COBLL1: variants seen among roughly 807,000 people sequenced by gnomAD.
COBLL1 encodes cordon-bleu protein-like 1.
COBLL1 carries 50 observed loss-of-function variants against 94.8 expected under a neutral mutation model. That is an observed-to-expected ratio of 0.53 (90% CI 0.42 to 0.67). The LOEUF (loss-of-function observed/expected upper bound fraction) is 0.67. Among genes scored for constraint, COBLL1 ranks in the 30% least tolerant of loss-of-function variants. COBLL1 has a pLI of 0.00. For synonymous variants in COBLL1, 448 were observed against 473.8 expected (o/e 0.95, Z 0.71); for missense variants, 1,362 against 1,348.7 (o/e 1.01, Z -0.15).
intron 2 of COBLL1, among the ~76,000 whole-genome samples, chr2:164,745,999 A>G (rs1184195739): frequency 6.6e-6 from 1 of 152,194 alleles, no homozygotes; most frequent in African/African-American, 2.4e-5. Context: ...AGAAAGTACA[A>G]TGAAAGAAAA....
At chr2:164,706,452 T>C (rs1684607445) in intron 7 of COBLL1, among the ~76,000 whole-genome samples, 2 of 152,314 alleles carry the variant, frequency 1.3e-5, no homozygotes, top group South Asian at 2.1e-4. Context: ...ATTCTCTTTA[T>C]GTATTATTTG....
rs545563487 is a variant in COBLL1 at position 164,766,705 on chromosome 2, G to A, written c.42-22830C>T. Among the ~76,000 whole-genome samples, 791 of 152,204 alleles carry A rather than the reference G, an allele frequency of 5.2e-3. 11 individuals are homozygous for A. The highest frequency in any genetic ancestry group is 0.018 in the African/African-American group (730 of 41,516). Reference sequence around the variant, plus strand: ...AACTAATACAGTATGTCATTCTTAAGACTTCACAGCATAGATATATAGCAT... The same window carrying A: ...AACTAATACAGTATGTCATTCTTAAAACTTCACAGCATAGATATATAGCAT... On this transcript the variant is annotated intron_variant, in intron 2 of 13. Coordinates refer to ENST00000652658, the MANE Select transcript of COBLL1 (RefSeq NM_001365672.2).
At chr2:164,813,092 A>T (rs1318111876) in intron 2 of COBLL1, among the ~76,000 whole-genome samples, 1 of 152,110 alleles carries the variant, frequency 6.6e-6, no homozygotes, top group Non-Finnish European at 1.5e-5. Context: ...TAGATTTTAG[A>T]AAGTGGCACA....
At chr2:164,739,111 C>T (rs971665665) in intron 3 of COBLL1, among the ~76,000 whole-genome samples, 1 of 152,084 alleles carries the variant, frequency 6.6e-6, no homozygotes, top group Non-Finnish European at 1.5e-5. Context: ...AGCAGAGCCT[C>T]ACAAAGGCAA....
intron 13 of COBLL1, among the ~76,000 whole-genome samples, chr2:164,688,411 A>C (rs1683418818): frequency 6.6e-6 from 1 of 152,120 alleles, no homozygotes; most frequent in African/African-American, 2.4e-5. Flanking sequence ...TCTTAAATGG[A>C]ATATGGTAAC....
In COBLL1 at chr2:164,740,814, G is replaced by T. The variant is rs902997510; in HGVS notation, c.230+2873C>A. On this transcript the variant is annotated intron_variant, in intron 3 of 13. Transcript: ENST00000652658. ...AATCACTGATTCTGGGGAGATCAGG[G>T]AGCCTTTATATAAAATATGTCACCT... 2.0e-5 allele frequency among the ~76,000 whole-genome samples: 3 copies of T among 152,130 alleles called. 1 individual carries two copies. The South Asian group carries it at 6.2e-4, about 32-fold the overall frequency.
chr2:164,730,804 T>A (rs1574485887), intron 3 of COBLL1, among the ~76,000 whole-genome samples: 1 of 152,200 alleles, frequency 6.6e-6, no homozygotes, highest in Non-Finnish European at 1.5e-5. Flanking sequence ...CTCATAAGAA[T>A]GAAGCATTTG....
chr2:164,748,273 A>G (rs1029592056), intron 2 of COBLL1, among the ~76,000 whole-genome samples: 3 of 152,206 alleles, frequency 2.0e-5, no homozygotes, highest in African/African-American at 7.2e-5. Flanking sequence ...AGTAGCTTTA[A>G]GACTTTAACT....
At chr2:164,839,943 TAATA>T (rs1438298886) in intron 2 of COBLL1, among the ~76,000 whole-genome samples, 1 of 152,144 alleles carries the variant, frequency 6.6e-6, no homozygotes, top group African/African-American at 2.4e-5. Flanking sequence ...ATGAAATAAT[TAATA>T]CACTACATGT....
At chr2:164,778,730 T>C (rs1338906101) in intron 2 of COBLL1, among the ~76,000 whole-genome samples, 1 of 152,058 alleles carries the variant, frequency 6.6e-6, no homozygotes, top group African/African-American at 2.4e-5. Context: ...TGGAAGGGAT[T>C]GATTAAAAGG....
intron 2 of COBLL1, among the ~76,000 whole-genome samples, chr2:164,818,279 TAC>T (rs1358219665): frequency 4.0e-5 from 6 of 148,604 alleles, no homozygotes; most frequent in African/African-American, 1.5e-4. Flanking sequence ...TATGTATGTA[TAC>T]ATATATGTAT....
chr2:164,817,511 C>T (rs1243226590), intron 2 of COBLL1, among the ~76,000 whole-genome samples: 1 of 152,106 alleles, frequency 6.6e-6, no homozygotes, highest in Non-Finnish European at 1.5e-5. Context: ...GCCTCACCTG[C>T]CAAGCCTGTA....
chr2:164,841,884 C>T, upstream of COBLL1: 2 of 1,193,796 alleles, frequency 1.7e-6, no homozygotes, highest in Non-Finnish European at 2.4e-6. This position sits in a 1 kb window ranked among gnomAD's most constrained non-coding sequence, Gnocchi z 5.5. Flanking sequence ...TCAGCACCTC[C>T]CCTGTCCCGC....
chr2:164,785,319 G>C (rs887117267), intron 2 of COBLL1, among the ~76,000 whole-genome samples: 6 of 152,154 alleles, frequency 3.9e-5, no homozygotes, highest in Non-Finnish European at 5.9e-5. Flanking sequence ...AACCCAGGAG[G>C]TGGAGGTTAC....
chr2:164,795,218 A>T (rs774493988), intron 2 of COBLL1, among the ~76,000 whole-genome samples: 1 of 152,220 alleles, frequency 6.6e-6, no homozygotes. Context: ...GAAACAATAC[A>T]GTATTTTGAA....
chr2:164,788,382 A>AT (rs1347074469), intron 2 of COBLL1, among the ~76,000 whole-genome samples: 3 of 152,100 alleles, frequency 2.0e-5, no homozygotes, highest in Non-Finnish European at 2.9e-5. Context: ...ACAACTCTGT[A>AT]CCTTTAAAAA....
chr2:164,792,497 G>T (rs190038731), intron 2 of COBLL1, among the ~76,000 whole-genome samples: 279 of 152,082 alleles, frequency 1.8e-3, no homozygotes, highest in Non-Finnish European at 1.7e-3. Context: ...TTCACAATAG[G>T]ATCATGACTA....
At chr2:164,688,471 T>C (rs1006918250) in intron 13 of COBLL1, among the ~76,000 whole-genome samples, 2 of 152,154 alleles carry the variant, frequency 1.3e-5, no homozygotes, top group African/African-American at 4.8e-5. Flanking sequence ...TGTTTTTGAA[T>C]GAGGAACATA....
chr2:164,836,408 A>G lies in COBLL1; in HGVS notation c.41+4748T>C, dbSNP rs1185513189. On this transcript the variant is annotated intron_variant, in intron 2 of 13. Coordinates refer to ENST00000652658, the MANE Select transcript of COBLL1 (RefSeq NM_001365672.2). ...AAACATAATTTTAAAAAGAATCAAG[A>G]TAATGCTTTTATAAGGCCACTTTAA... is the stretch of plus-strand genomic sequence containing the variant. Among the ~76,000 whole-genome samples the G allele has an allele frequency of 2.6e-5, 4 of 152,330 alleles. No homozygotes were observed. In the East Asian group the frequency reaches 7.7e-4, roughly 29 times the overall value.
Sources: gnomAD v4.1 joint callset for allele counts (sites outside exome capture counted in the v4.1 genomes callset) on GRCh38, gnomAD v4.1.1 for gene constraint, Gnocchi (gnomAD v3.1) non-coding constraint, MANE v1.5 for transcripts, NCBI Gene and HGNC (gene_info 2026-07-23, HGNC 2026-07-21) for gene names.